SLC28A3: variants seen among roughly 807,000 people sequenced by gnomAD.
SLC28A3 encodes solute carrier family 28 member 3.
In SLC28A3, 68 loss-of-function variants were observed where a neutral mutation model predicts 84.2. The observed-to-expected ratio is 0.81, with a 90% CI of 0.66 to 0.99. SLC28A3 has a LOEUF of 0.99. Ranked by LOEUF, SLC28A3 falls within the 50% of genes least tolerant of loss-of-function variation. SLC28A3 has a pLI of 0.00. For synonymous variants in SLC28A3, 267 were observed against 303.6 expected (o/e 0.88, Z 1.25); for missense variants, 712 against 841.5 (o/e 0.85, Z 1.90).
At position 84,340,601 on chromosome 9, in the gene SLC28A3, A is replaced by G; in HGVS notation, c.33T>C (p.Ala11=). Residue 11 remains alanine (A), a synonymous_variant, in exon 1 of 18, where the codon GCT becomes GCC. Coordinates refer to ENST00000376238, the MANE Select transcript of SLC28A3 (RefSeq NM_001199633.2). ...GGAAGCCCACGTTGCTGTAGCCCTC[A>G]GCTCTGGGGGCTGCTGTACTCCTCA... MELRSTAAPR[A]EGYSNVGFQN... is the part of the protein sequence containing the mutation. 6.2e-7 allele frequency: 1 copy of G among 1,614,164 alleles called. No homozygotes were observed. Among genetic ancestry groups the G allele is most frequent in the Non-Finnish European group, 8.5e-7 (1 of 1,180,010 alleles).
intron 1 of SLC28A3, among the ~76,000 whole-genome samples, chr9:84,330,160 A>AG (rs1826722050): frequency 6.6e-6 from 1 of 152,064 alleles, no homozygotes; most frequent in Non-Finnish European, 1.5e-5. Flanking sequence ...AACTTACTTA[A>AG]GGGAAAAAAA....
chr9:84,330,211 C>T (rs1017576354), intron 1 of SLC28A3, among the ~76,000 whole-genome samples: 2 of 151,614 alleles, frequency 1.3e-5, no homozygotes, highest in African/African-American at 2.4e-5. Context: ...GATTGAATTG[C>T]TAACCATAAA....
chr9:84,277,904 C>T lies in SLC28A3; in HGVS notation c.*314G>A, dbSNP rs773324905. 3.0e-5 allele frequency: 8 copies of T among 265,872 alleles called. No homozygotes were observed. Among genetic ancestry groups the T allele is most frequent in the South Asian group, 6.9e-5 (1 of 14,538 alleles). The allele number at this position is 265,872 out of a possible 1,614,324, so 16.5% of individuals were successfully genotyped here. A position where few individuals can be genotyped will look rare whatever the true frequency, so the allele number is the denominator to read the frequency against. On this transcript the variant is annotated 3_prime_UTR_variant, in exon 18 of 18. Transcript: ENST00000376238. ...TCAGAGCCCAGTTGTTGGGAGCGGC[C>T]GTTTATAGCTGTATTCTGGTGAAAT...
intron 9 of SLC28A3, among the ~76,000 whole-genome samples, chr9:84,293,371 A>G (rs926262825): frequency 5.9e-5 from 9 of 152,314 alleles, no homozygotes; most frequent in African/African-American, 2.2e-4. Context: ...AGAGCATAAC[A>G]ATTCTGAATG....
chr9:84,345,202 T>C (rs539053591), upstream of SLC28A3, among the ~76,000 whole-genome samples: 3 of 150,550 alleles, frequency 2.0e-5, no homozygotes, highest in South Asian at 4.2e-4. Context: ...ATCATTGCAA[T>C]GTGCCATAAG....
At chr9:84,292,593 A>T in intron 10 of SLC28A3, 75 bp downstream of exon 10, 1 of 1,205,274 alleles carries the variant, frequency 8.3e-7, no homozygotes, top group Non-Finnish European at 1.2e-6. Flanking sequence ...ACATTGTGTT[A>T]TTTTCTTATT....
chr9:84,305,780 T>G (rs1217770383), intron 3 of SLC28A3, among the ~76,000 whole-genome samples: 2 of 152,180 alleles, frequency 1.3e-5, no homozygotes, highest in Non-Finnish European at 2.9e-5. Context: ...TTGGCAAAGT[T>G]TGAGCAAGTT....
rs375327300 is a variant in SLC28A3 at position 84,337,471 on chromosome 9, TGTGA to T, written c.60+3099_60+3102del. Among the ~76,000 whole-genome samples the T allele has an allele frequency of 4.1e-3, 619 of 152,136 alleles. 3 individuals are homozygous for T. The highest frequency in any genetic ancestry group is 0.013 in the African/African-American group (558 of 41,478). ...GCGCGTGTGTGTATGCGTATGTGGGTGTGAGTGTTTGCACACGTGTGTGTGTGTA... is the reference window on the plus strand; with the variant it reads ...GCGCGTGTGTGTATGCGTATGTGGGTGTGTTTGCACACGTGTGTGTGTGTA... On this transcript the variant is annotated intron_variant, in intron 1 of 17. Coordinates refer to ENST00000376238, the MANE Select transcript of SLC28A3 (RefSeq NM_001199633.2).
chr9:84,346,460 A>G, the SLC28A3 span, among the ~76,000 whole-genome samples: 2 of 152,230 alleles, frequency 1.3e-5, no homozygotes, highest in East Asian at 1.9e-4. Flanking sequence ...ATGATGTGTT[A>G]TATGTTCCAG....
At chr9:84,325,318 AT>A (rs1449405925) in intron 1 of SLC28A3, among the ~76,000 whole-genome samples, 1 of 152,190 alleles carries the variant, frequency 6.6e-6, no homozygotes, top group Non-Finnish European at 1.5e-5. Context: ...GGGGATTTAT[AT>A]CTTTTGTGCC....
the SLC28A3 span, among the ~76,000 whole-genome samples, chr9:84,354,294 G>A: frequency 6.6e-6 from 1 of 152,206 alleles, no homozygotes; most frequent in Non-Finnish European, 1.5e-5. Context: ...TCCTGCATGG[G>A]GCATAGGGCT....
At chr9:84,286,287 A>G (rs1419503792) in intron 12 of SLC28A3, among the ~76,000 whole-genome samples, 176 bp from the exon 13 acceptor site, 2 of 152,090 alleles carry the variant, frequency 1.3e-5, no homozygotes, top group Non-Finnish European at 2.9e-5. Context: ...TGAGTATTTA[A>G]CCATGTTTGT....
At chr9:84,284,131 G>C (rs1194920119) in intron 14 of SLC28A3, among the ~76,000 whole-genome samples, 1 of 152,140 alleles carries the variant, frequency 6.6e-6, no homozygotes, top group Non-Finnish European at 1.5e-5. Context: ...TTAACAAAAC[G>C]ATTCTCTCCT....
chr9:84,333,389 G>A (rs548397098), intron 1 of SLC28A3, among the ~76,000 whole-genome samples: 31 of 152,254 alleles, frequency 2.0e-4, no homozygotes, highest in African/African-American at 5.8e-4. Context: ...ATAGGTATGC[G>A]TGACCCAGTT....
At chr9:84,358,821 G>C in the SLC28A3 span, among the ~76,000 whole-genome samples, 2 of 152,198 alleles carry the variant, frequency 1.3e-5, no homozygotes, top group East Asian at 3.9e-4. Context: ...TGTTATTTTT[G>C]AGACAGGGTC....
At chr9:84,366,647 C>A in the SLC28A3 span, among the ~76,000 whole-genome samples, 1 of 152,208 alleles carries the variant, frequency 6.6e-6, no homozygotes, top group Non-Finnish European at 1.5e-5. Context: ...TGTAGAGGTA[C>A]TTCCTTGATG....
intron 3 of SLC28A3, among the ~76,000 whole-genome samples, chr9:84,308,007 T>C (rs1033794048): frequency 6.6e-6 from 1 of 152,164 alleles, no homozygotes; most frequent in African/African-American, 2.4e-5. Context: ...AACTTTGCTA[T>C]GTTTCTGATA....
intron 5 of SLC28A3, 118 bp downstream of exon 5, chr9:84,302,082 G>T (rs978739647): frequency 4.6e-6 from 4 of 875,966 alleles, no homozygotes; most frequent in South Asian, 1.7e-5. Flanking sequence ...ACTTCCTAGG[G>T]TGTTTCTAGC....
At chr9:84,351,617 A>G in the SLC28A3 span, among the ~76,000 whole-genome samples, 2 of 151,754 alleles carry the variant, frequency 1.3e-5, no homozygotes, top group African/African-American at 4.8e-5. Context: ...TTGTGATTGC[A>G]CCACTGCACT....
Sources: gnomAD v4.1 joint callset for allele counts (sites outside exome capture counted in the v4.1 genomes callset) on GRCh38, gnomAD v4.1.1 for gene constraint, MANE v1.5 for transcripts, NCBI Gene and HGNC (gene_info 2026-07-23, HGNC 2026-07-21) for gene names.